Variants in MGAM2 observed in about 807,000 individuals in gnomAD.
MGAM2 encodes the protein maltase-glucoamylase 2 (putative).
In MGAM2, 98 loss-of-function variants were observed where a neutral mutation model predicts 96.1. The observed-to-expected ratio is 1.02, with a 90% confidence interval of 0.87 to 1.21. The LOEUF is 1.21. Among genes scored for constraint, MGAM2 ranks in the 50% most tolerant of loss-of-function variants. MGAM2 has a pLI of 0.00. For missense variants in MGAM2, 2,055 were observed against 1,182.4 expected, an observed-to-expected ratio of 1.74 and a Z score of -10.82; for synonymous variants, 749 against 414.8, an observed-to-expected ratio of 1.81 and a Z score of -9.79.
chr7:142,128,641 T>A (rs908274211), intron 3 of MGAM2, among the ~76,000 whole-genome samples: 17 of 152,204 alleles, frequency 1.1e-4, no homozygotes, highest in African/African-American at 4.1e-4. Flanking sequence ...GCTCGGGCCA[T>A]GGCTTCAGAG....
chr7:142,188,477 C>A (rs1252297675), intron 36 of MGAM2, among the ~76,000 whole-genome samples: 2 of 149,696 alleles, frequency 1.3e-5, no homozygotes, highest in African/African-American at 4.9e-5. Context: ...ACCAGAAAAA[C>A]AACAACAACA....
intron 17 of MGAM2, among the ~76,000 whole-genome samples, chr7:142,155,946 G>C (rs1289661667): frequency 1.3e-5 from 2 of 152,192 alleles, no homozygotes; most frequent in Admixed American, 6.5e-5. Context: ...CGGAGTTTGA[G>C]ACCAGCCTGA....
chr7:142,161,295 A>G, intron 22 of MGAM2, 82 bp downstream of exon 22: 1 of 670,464 alleles, frequency 1.5e-6, no homozygotes, highest in East Asian at 2.7e-5. Flanking sequence ...CCAATATGGC[A>G]CTAACCCTAT....
intron 1 of MGAM2, among the ~76,000 whole-genome samples, 175 bp from the exon 2 acceptor site, chr7:142,116,699 G>C (rs1278073962): frequency 6.6e-6 from 1 of 152,216 alleles, no homozygotes; most frequent in Admixed American, 6.5e-5. Flanking sequence ...TAAAGCTAGA[G>C]TTAATTAGGG....
intron 3 of MGAM2, among the ~76,000 whole-genome samples, chr7:142,130,692 G>A (rs934979995): frequency 6.6e-6 from 1 of 152,136 alleles, no homozygotes; most frequent in African/African-American, 2.4e-5. Flanking sequence ...GTATGGATTT[G>A]CCACTAGACA....
chr7:142,133,935 A>G (rs1258750054), intron 6 of MGAM2, 46 bp from the exon 7 acceptor site: 3 of 658,970 alleles, frequency 4.6e-6, no homozygotes, highest in Non-Finnish European at 8.3e-6. Context: ...TGGCAGAGGA[A>G]AGAGTGTTTT....
intron 31 of MGAM2, 128 bp from the exon 32 acceptor site, chr7:142,175,524 A>G (rs1281585819): frequency 1.7e-6 from 1 of 605,984 alleles, no homozygotes; most frequent in Non-Finnish European, 2.9e-6. Context: ...AAGTAATGAG[A>G]TGAGGAATGA....
intron 37 of MGAM2, among the ~76,000 whole-genome samples, chr7:142,195,756 T>C (rs4726496): frequency 0.68 from 103,975 of 151,970 alleles, 35,638 homozygotes; most frequent in African/African-American, 0.72. Flanking sequence ...CTTCTCTGAA[T>C]CTTAGCTTCC....
At chr7:142,143,308 C>T (rs1044050640) in intron 12 of MGAM2, among the ~76,000 whole-genome samples, 22 of 152,174 alleles carry the variant, frequency 1.4e-4, no homozygotes, top group Middle Eastern at 3.4e-3. Context: ...GAGTAAGAAG[C>T]GCAAACTTCA....
At chr7:142,191,604 A>T (rs4437558) in intron 37 of MGAM2, among the ~76,000 whole-genome samples, 28 of 148,420 alleles carry the variant, frequency 1.9e-4, no homozygotes, top group African/African-American at 6.7e-4. Flanking sequence ...CTCTCTCTCT[A>T]TATATATATA....
chr7:142,162,194 A>G (rs4341083), intron 23 of MGAM2, among the ~76,000 whole-genome samples, 190 bp downstream of exon 23: 151,129 of 152,252 alleles, frequency 0.99, 75,009 homozygotes, highest in Middle Eastern at 1. Flanking sequence ...TACAAAACCA[A>G]TATGAGTTCT....
intron 3 of MGAM2, 98 bp from the exon 4 acceptor site, chr7:142,130,848 CTT>C: frequency 1.6e-6 from 1 of 620,714 alleles, no homozygotes; most frequent in Non-Finnish European, 2.9e-6. Flanking sequence ...TATAACCTAT[CTT>C]AAATTCTCCT....
intron 14 of MGAM2, among the ~76,000 whole-genome samples, chr7:142,146,133 G>A (rs1385454551): frequency 5.5e-5 from 6 of 109,924 alleles, no homozygotes; most frequent in Non-Finnish European, 9.0e-5. Flanking sequence ...CTCTGGATTA[G>A]TTTATCATGT....
Position 142,198,180 on chromosome 7 carries a change from G to T in MGAM2, c.4908G>T (p.Trp1636Cys), listed in dbSNP as rs894594903. 6 of 702,898 alleles carry T rather than the reference G, an allele frequency of 8.5e-6. No homozygotes were observed. The highest frequency in any genetic ancestry group is 1.5e-5 in the South Asian group (1 of 67,572). The allele number at this position is 702,898 out of a possible 1,614,324, so 43.5% of individuals were successfully genotyped here. ...EISAYFPRAR[W>C]YDYSTGTSST... ...CTGCTTATTTTCCGAGAGCCCGTTG[G>T]TATGACTATAGCACGGTAAGAACTA... Residue 1636 changes from tryptophan (W) to cysteine (C), a missense_variant, in exon 43 of 48, where the codon TGG (tryptophan) becomes TGT (cysteine). Coordinates refer to ENST00000477922, the MANE Select transcript of MGAM2 (RefSeq NM_001293626.2).
intron 46 of MGAM2, among the ~76,000 whole-genome samples, chr7:142,217,152 C>A (rs1797788291): frequency 6.6e-6 from 1 of 152,156 alleles, no homozygotes; most frequent in Admixed American, 6.5e-5. Flanking sequence ...CTATGATTTT[C>A]ATTTGGGCCT....
intron 32 of MGAM2, among the ~76,000 whole-genome samples, chr7:142,182,633 G>C (rs574225819): frequency 1.3e-5 from 2 of 152,218 alleles, no homozygotes; most frequent in East Asian, 1.9e-4. Flanking sequence ...GTGTTTGTGG[G>C]GTCTGTTGTA....
chr7:142,146,208 AT>A (rs66534945), intron 14 of MGAM2, among the ~76,000 whole-genome samples: 132,070 of 133,978 alleles, frequency 0.99, 65,091 homozygotes, highest in Middle Eastern at 1. Flanking sequence ...TTTGTTTTTG[AT>A]TTTTTTTTTT....
intron 3 of MGAM2, among the ~76,000 whole-genome samples, chr7:142,121,527 G>A (rs143635717): frequency 0.014 from 2,148 of 152,086 alleles, 32 homozygotes; most frequent in Middle Eastern, 0.034. Flanking sequence ...TCTCTTATAT[G>A]TTTTATTGCA....
At chr7:142,215,355 C>CGGGCTGAT (rs536699681) in intron 46 of MGAM2, among the ~76,000 whole-genome samples, 4 of 151,534 alleles carry the variant, frequency 2.6e-5, no homozygotes, top group Non-Finnish European at 5.9e-5. Flanking sequence ...ATGTAGATGA[C>CGGGCTGAT]GGGTTGATGG....
Sources: allele counts gnomAD v4.1 joint callset (sites outside exome capture counted in the v4.1 genomes callset), GRCh38; gene constraint gnomAD v4.1.1; transcripts MANE v1.5; gene names NCBI Gene and HGNC (gene_info 2026-07-23, HGNC 2026-07-21).